The following ANKFN1 variants were observed in gnomAD, a reference collection of about 807,000 sequenced individuals.
The protein encoded by ANKFN1 is ankyrin repeat and fibronectin type III domain containing 1.
In ANKFN1, 74 loss-of-function variants were observed where a neutral mutation model predicts 108.7. That is an observed-to-expected ratio of 0.68 (90% CI 0.56 to 0.83). ANKFN1 has a LOEUF of 0.83. Among genes scored for constraint, ANKFN1 ranks in the 40% least tolerant of loss-of-function variants. The pLI is 0.00. For synonymous variants in ANKFN1, 547 were observed against 516.2 expected, an observed-to-expected ratio of 1.06 and a Z score of -0.81; for missense variants, 1,505 against 1,382.3, an observed-to-expected ratio of 1.09 and a Z score of -1.41.
intron 4 of ANKFN1, among the ~76,000 whole-genome samples, chr17:56,067,604 T>A (rs552509011): frequency 2.0e-5 from 3 of 152,208 alleles, no homozygotes; most frequent in Admixed American, 6.5e-5. Context: ...CTAAGTGTTT[T>A]TGTAATTAGA....
chr17:56,334,198 A>G (rs1170328493), intron 4 of ANKFN1, among the ~76,000 whole-genome samples: 1 of 152,126 alleles, frequency 6.6e-6, no homozygotes. Context: ...GATTTAAAGA[A>G]GGTGGATTTT....
At chr17:56,302,440 A>G (rs2192227) in intron 3 of ANKFN1, among the ~76,000 whole-genome samples, 13,083 of 150,368 alleles carry the variant, frequency 0.087, 551 homozygotes, top group East Asian at 0.16. Flanking sequence ...GCTTGAGCCC[A>G]GGAGTTTAAA....
At chr17:56,209,922 G>C (rs1216951254) in intron 1 of ANKFN1, among the ~76,000 whole-genome samples, 6 of 152,242 alleles carry the variant, frequency 3.9e-5, no homozygotes, top group Admixed American at 3.3e-4. Flanking sequence ...TACAATGTTT[G>C]GTTTTCCATT....
intron 3 of ANKFN1, among the ~76,000 whole-genome samples, chr17:56,300,411 C>T (rs532837480): frequency 7.2e-4 from 110 of 152,166 alleles, no homozygotes; most frequent in African/African-American, 2.6e-3. Context: ...GTCCTTCTTT[C>T]CCCCCTTAAT....
At chr17:56,488,422 C>T (rs2050925509) in intron 18 of ANKFN1, among the ~76,000 whole-genome samples, 1 of 152,108 alleles carries the variant, frequency 6.6e-6, no homozygotes, top group African/African-American at 2.4e-5. Context: ...TTACCGTCTA[C>T]TGAAATGGGC....
chr17:56,472,935 G>C (rs2050370991), intron 15 of ANKFN1: 1 of 152,220 alleles, frequency 6.6e-6, no homozygotes, highest in Admixed American at 6.5e-5. Flanking sequence ...ATTAAATTGA[G>C]AGCATGATAA....
intron 15 of ANKFN1, among the ~76,000 whole-genome samples, chr17:56,474,887 T>G (rs1485000014): frequency 6.6e-6 from 1 of 152,172 alleles, no homozygotes; most frequent in Non-Finnish European, 1.5e-5. Context: ...TAATAATAAT[T>G]GCTTCTTGAT....
At chr17:56,382,796 G>A (rs2047145458) in intron 8 of ANKFN1, among the ~76,000 whole-genome samples, 1 of 152,158 alleles carries the variant, frequency 6.6e-6, no homozygotes, top group African/African-American at 2.4e-5. Flanking sequence ...AAATATATAT[G>A]CACCCAATAC....
At chr17:56,400,020 A>G (rs2047713546) in intron 8 of ANKFN1, among the ~76,000 whole-genome samples, 1 of 151,186 alleles carries the variant, frequency 6.6e-6, no homozygotes, top group Non-Finnish European at 1.5e-5. Flanking sequence ...CGATTTTGCA[A>G]TTGTGAATTG....
intron 4 of ANKFN1, among the ~76,000 whole-genome samples, chr17:56,134,412 A>G (rs1293395202): frequency 6.6e-6 from 1 of 152,158 alleles, no homozygotes. Flanking sequence ...GCTGGGGCTG[A>G]AAGCTCCAAG....
chr17:56,195,273 A>G (rs1913404283), intron 1 of ANKFN1: 1 of 152,218 alleles, frequency 6.6e-6, no homozygotes, highest in South Asian at 2.1e-4. Flanking sequence ...AATGTTAAAA[A>G]CTAACTTGTA....
intron 8 of ANKFN1, among the ~76,000 whole-genome samples, chr17:56,431,515 C>T (rs761781035): frequency 2.0e-5 from 3 of 152,104 alleles, no homozygotes; most frequent in Non-Finnish European, 4.4e-5. Flanking sequence ...ATTGTCCTCC[C>T]CATATCTATG....
intron 12 of ANKFN1, 91 bp from the exon 13 acceptor site, chr17:56,457,166 G>A: frequency 7.7e-7 from 1 of 1,305,734 alleles, no homozygotes. Flanking sequence ...ACGTTCCTAG[G>A]TATATTTTAA....
At position 56,513,473 on chromosome 17, in the gene ANKFN1, T is replaced by C. The variant is rs1304110358; in HGVS notation, c.*2204T>C. On this transcript the variant is annotated 3_prime_UTR_variant, in exon 21 of 21. Transcript: ENST00000682825. ...TACTTATTTCTAATTATAAAATGGA[T>C]TACTTTGTTCAATGAGTTTGTGAGA... Among the ~76,000 whole-genome samples, 1 of 152,214 alleles carries C rather than the reference T, an allele frequency of 6.6e-6. No individual in the cohort carries two copies. Among genetic ancestry groups the C allele is most frequent in the African/African-American group, 2.4e-5 (1 of 41,462 alleles).
rs563350045 is a variant in ANKFN1 at position 56,513,802 on chromosome 17, T to G, written c.*2533T>G. Among the ~76,000 whole-genome samples the G allele has an allele frequency of 2.0e-5, 3 of 152,328 alleles. No homozygotes were observed. The highest frequency in any genetic ancestry group is 4.8e-5 in the African/African-American group (2 of 41,576). Reference sequence around the variant, plus strand: ...AATGCATGTTACATTTTAATGGGCATAGTTAAATCAATTGAAAATGCATTT... The same window carrying G: ...AATGCATGTTACATTTTAATGGGCAGAGTTAAATCAATTGAAAATGCATTT... On this transcript the variant is annotated 3_prime_UTR_variant, in exon 21 of 21. Transcript: ENST00000682825.
At chr17:56,208,512 G>A (rs1914715138) in intron 1 of ANKFN1, among the ~76,000 whole-genome samples, 1 of 152,102 alleles carries the variant, frequency 6.6e-6, no homozygotes, top group Non-Finnish European at 1.5e-5. Context: ...ATCTCCTAGG[G>A]GTAAAGCCAG....
chr17:56,115,404 A>T (rs1249535795), intron 4 of ANKFN1, among the ~76,000 whole-genome samples: 4 of 152,196 alleles, frequency 2.6e-5, no homozygotes, highest in Admixed American at 6.5e-5. Context: ...AGAAGAAGCA[A>T]GTTGGAGAAT....
At chr17:56,214,384 C>T (rs1249027351) in intron 2 of ANKFN1, among the ~76,000 whole-genome samples, 3 of 152,076 alleles carry the variant, frequency 2.0e-5, no homozygotes, top group African/African-American at 7.2e-5. Context: ...CCTTTCTAAG[C>T]CAAAATTTGT....
At chr17:56,366,591 G>A (rs2046669345) in intron 6 of ANKFN1, among the ~76,000 whole-genome samples, 1 of 152,092 alleles carries the variant, frequency 6.6e-6, no homozygotes, top group African/African-American at 2.4e-5. Context: ...TATCCTTTAT[G>A]CCATACTTTT....
Sources: allele counts gnomAD v4.1 joint callset (sites outside exome capture counted in the v4.1 genomes callset), GRCh38; gene constraint gnomAD v4.1.1; transcripts MANE v1.5; gene names NCBI Gene and HGNC (gene_info 2026-07-23, HGNC 2026-07-21).